THSD7B: variants seen among roughly 807,000 people sequenced by gnomAD.
The protein encoded by THSD7B is thrombospondin type-1 domain-containing protein 7B.
A neutral mutation model predicts 213.6 loss-of-function variants in THSD7B; 138 were observed. The observed-to-expected ratio is 0.65, with a 90% CI of 0.56 to 0.74. The LOEUF (loss-of-function observed/expected upper bound fraction) is 0.74, where lower values mean the gene tolerates loss of function less well. THSD7B is among the 30% of genes least tolerant of loss of function. The pLI is 0.00. For synonymous variants in THSD7B, 742 were observed against 687.0 expected (o/e 1.08, Z -1.25); for missense variants, 1,931 against 1,991.5 (o/e 0.97, Z 0.58).
At chr2:137,215,737 A>G (rs985895747) in intron 7 of THSD7B, among the ~76,000 whole-genome samples, 1 of 152,144 alleles carries the variant, frequency 6.6e-6, no homozygotes, top group Non-Finnish European at 1.5e-5. Context: ...TATTCTCTTA[A>G]TCTTTGTGAA....
chr2:137,311,267 A>G (rs1294897172), intron 12 of THSD7B, among the ~76,000 whole-genome samples: 8 of 151,418 alleles, frequency 5.3e-5, no homozygotes, highest in Non-Finnish European at 1.5e-5. Flanking sequence ...CTTTGAAGCA[A>G]TTGTGAATGG....
At chr2:137,131,571 G>A (rs1469231438) in intron 5 of THSD7B, among the ~76,000 whole-genome samples, 1 of 152,186 alleles carries the variant, frequency 6.6e-6, no homozygotes. Flanking sequence ...GTGTAAGGAA[G>A]GGATCAAGTT....
intron 12 of THSD7B, among the ~76,000 whole-genome samples, chr2:137,337,304 A>T (rs1684660329): frequency 6.6e-6 from 1 of 151,162 alleles, no homozygotes; most frequent in Non-Finnish European, 1.5e-5. Flanking sequence ...ACAGTTCTTC[A>T]CTCTTTATCT....
intron 5 of THSD7B, among the ~76,000 whole-genome samples, chr2:137,120,536 G>C (rs1427170731): frequency 6.6e-6 from 1 of 151,942 alleles, no homozygotes; most frequent in Non-Finnish European, 1.5e-5. Context: ...GAAGGGGAGA[G>C]CAGGGAGGAA....
Position 137,411,637 on chromosome 2 carries a change from G to A in THSD7B, c.2724G>A (p.Gln908=), listed in dbSNP as rs1043842396. Reference sequence around the variant, plus strand: ...AAAGCAGAAAGAAGGAGAAATGCCAGGATTCTGACCTTTACCCTCTAGTGG... The same window carrying A: ...AAAGCAGAAAGAAGGAGAAATGCCAAGATTCTGACCTTTACCCTCTAGTGG... ...TGKSRKKEKC[Q]DSDLYPLVET... is the part of the protein sequence containing the mutation. The change falls in exon 14 of 28, where the codon CAG becomes CAA. Residue 908 remains glutamine, a synonymous_variant. Coordinates refer to ENST00000409968, the MANE Select transcript of THSD7B (RefSeq NM_001316349.2). The A allele has an allele frequency of 6.2e-7, 1 of 1,612,438 alleles. No individual in the cohort carries two copies. Among genetic ancestry groups the A allele is most frequent in the Non-Finnish European group, 8.5e-7 (1 of 1,178,772 alleles).
chr2:137,271,424 TATATAATATATATAATATAATATATA>T (rs1558737540), intron 10 of THSD7B, among the ~76,000 whole-genome samples: 2 of 135,918 alleles, frequency 1.5e-5, no homozygotes, highest in Admixed American at 7.4e-5. Context: ...AATATATAAT[TATATAATATATATAATATAATATATA>T]ATATAATATA....
intron 12 of THSD7B, among the ~76,000 whole-genome samples, chr2:137,290,721 A>G (rs1683313499): frequency 6.6e-6 from 1 of 152,076 alleles, no homozygotes; most frequent in African/African-American, 2.4e-5. Flanking sequence ...ATGATCATTC[A>G]AATTCATTGT....
chr2:137,031,586 T>G (rs1327467920), intron 2 of THSD7B, among the ~76,000 whole-genome samples: 1 of 151,970 alleles, frequency 6.6e-6, no homozygotes, highest in Non-Finnish European at 1.5e-5. Context: ...ATAATAGGAG[T>G]TCATTTAATA....
chr2:136,897,373 G>T (rs1227962418), intron 2 of THSD7B, among the ~76,000 whole-genome samples: 2 of 152,076 alleles, frequency 1.3e-5, no homozygotes, highest in Non-Finnish European at 2.9e-5. Flanking sequence ...TGGTCTCGCT[G>T]ACTTCAGGAG....
chr2:137,458,516 G>T (rs769016556), intron 15 of THSD7B, among the ~76,000 whole-genome samples: 2 of 152,104 alleles, frequency 1.3e-5, no homozygotes, highest in Admixed American at 6.5e-5. Context: ...TCCATTGATA[G>T]CTCTGCTTTT....
At chr2:137,444,487 A>G (rs1385144194) in intron 14 of THSD7B, among the ~76,000 whole-genome samples, 1 of 152,028 alleles carries the variant, frequency 6.6e-6, no homozygotes, top group African/African-American at 2.4e-5. Context: ...ACTTTTTAGT[A>G]TAGTGCATTT....
chr2:137,403,330 A>G (rs1293450501), intron 12 of THSD7B, among the ~76,000 whole-genome samples: 6 of 152,248 alleles, frequency 3.9e-5, no homozygotes. Flanking sequence ...CAGACATATT[A>G]TCTGATGTGC....
intron 2 of THSD7B, among the ~76,000 whole-genome samples, chr2:137,006,626 A>G (rs912530942): frequency 3.3e-5 from 5 of 152,188 alleles, no homozygotes; most frequent in African/African-American, 1.2e-4. Context: ...ACTCCCCCAA[A>G]TTCTTTTAGA....
intron 2 of THSD7B, among the ~76,000 whole-genome samples, chr2:136,939,084 T>A (rs1030693052): frequency 1.3e-5 from 2 of 152,164 alleles, no homozygotes; most frequent in African/African-American, 4.8e-5. Context: ...ATGGCATCTT[T>A]CCTAAATATC....
intron 7 of THSD7B, among the ~76,000 whole-genome samples, chr2:137,205,929 T>G (rs1022386875): frequency 6.6e-5 from 10 of 152,082 alleles, no homozygotes; most frequent in African/African-American, 2.4e-4. Flanking sequence ...TTGCAACATA[T>G]TTTTACATAT....
chr2:137,503,322 T>G (rs1679753644), intron 15 of THSD7B, among the ~76,000 whole-genome samples: 1 of 152,130 alleles, frequency 6.6e-6, no homozygotes, highest in Admixed American at 6.5e-5. Flanking sequence ...TAAAAAACAT[T>G]CCTCACAAAA....
At chr2:137,241,089 A>T (rs1558970332) in intron 9 of THSD7B, among the ~76,000 whole-genome samples, 1 of 152,142 alleles carries the variant, frequency 6.6e-6, no homozygotes, top group Non-Finnish European at 1.5e-5. Flanking sequence ...ACTTATTTCA[A>T]CATCTCAGCT....
intron 12 of THSD7B, among the ~76,000 whole-genome samples, chr2:137,333,703 G>T (rs1466516095): frequency 6.6e-6 from 1 of 152,178 alleles, no homozygotes; most frequent in Non-Finnish European, 1.5e-5. Flanking sequence ...ATCTTCTGAT[G>T]CCCCAGGCAC....
intron 26 of THSD7B, 73 bp from the exon 27 acceptor site, chr2:137,667,701 G>T (rs1250666893): frequency 1.6e-6 from 2 of 1,258,028 alleles, no homozygotes; most frequent in African/African-American, 1.5e-5. Context: ...TGTCAGATCT[G>T]ATGTTGCCCT....
Sources: gnomAD v4.1 joint callset for allele counts (sites outside exome capture counted in the v4.1 genomes callset) on GRCh38, gnomAD v4.1.1 for gene constraint, MANE v1.5 for transcripts, NCBI Gene and HGNC (gene_info 2026-07-23, HGNC 2026-07-21) for gene names.